Variants in DEAF1 observed in about 807,000 individuals in gnomAD.
DEAF1 encodes the protein DEAF1 transcription factor, also known as deformed epidermal autoregulatory factor 1 homolog.
Under a neutral mutation model 58.9 loss-of-function variants are expected in DEAF1, and 53 were observed. The ratio of observed to expected loss-of-function variants is 0.90; its 90% confidence interval spans 0.72 to 1.13. The LOEUF (loss-of-function observed/expected upper bound fraction) is 1.13. DEAF1 is among the 50% of genes most tolerant of loss of function. DEAF1 has a pLI of 0.00. For missense variants in DEAF1, 685 were observed against 791.4 expected (o/e 0.87, Z 1.61); for synonymous variants, 385 against 340.4 (o/e 1.13, Z -1.44).
chr11:695,841 G>T (rs1433826300), upstream of DEAF1: 9 of 1,230,088 alleles, frequency 7.3e-6, no homozygotes, highest in Non-Finnish European at 9.1e-6. Flanking sequence ...GCGGCCCCGC[G>T]GCGAGGTGAG....
In DEAF1 at chr11:684,869, A is replaced by G. The variant is rs201275407; in HGVS notation, c.870+29T>C. On this transcript the variant is annotated intron_variant, in intron 6 of 11. Transcript: ENST00000382409. ...CAGCCGCCCCCAGCCCCACCAAGTC[A>G]TCCTGTTCCAGACACGCTGGCCACT... 4,771 of 1,550,144 alleles carry G rather than the reference A, an allele frequency of 3.1e-3. 13 individuals are homozygous for G. Among genetic ancestry groups the G allele is most frequent in the Non-Finnish European group, 4.0e-3 (4,552 of 1,145,886 alleles).
At chr11:654,539 T>C (rs1332844975) in intron 10 of DEAF1, 8 of 455,262 alleles carry the variant, frequency 1.8e-5, no homozygotes, top group South Asian at 9.3e-5. Context: ...ATCAGCTCTT[T>C]CCTGGCCTCA....
At chr11:678,875 A>G (rs528724794) in intron 8 of DEAF1, 53 bp from the exon 9 acceptor site, 42 of 1,607,742 alleles carry the variant, frequency 2.6e-5, no homozygotes, top group Middle Eastern at 3.4e-4. Context: ...CGCACAGCAG[A>G]CTCTAAATAT....
chr11:657,948 T>C (rs931859885), intron 10 of DEAF1, among the ~76,000 whole-genome samples: 1 of 152,114 alleles, frequency 6.6e-6, no homozygotes, highest in Non-Finnish European at 1.5e-5. Flanking sequence ...AGGACATTGA[T>C]AGTGAAATTC....
intron 9 of DEAF1, 89 bp from the exon 10 acceptor site, chr11:674,872 C>G: frequency 5.1e-6 from 8 of 1,561,092 alleles, no homozygotes; most frequent in Non-Finnish European, 6.9e-6. Flanking sequence ...CAGCCGGGCG[C>G]GGTGGCTCAC....
chr11:703,804 T>C, intron 1 of DEAF1: 2 of 1,233,130 alleles, frequency 1.6e-6, no homozygotes, highest in Non-Finnish European at 2.0e-6. Context: ...CTTCAGGGGC[T>C]TCGGAGGAGA....
intron 10 of DEAF1, among the ~76,000 whole-genome samples, chr11:660,310 A>ATC (rs1435676664): frequency 6.6e-6 from 1 of 152,134 alleles, no homozygotes; most frequent in Non-Finnish European, 1.5e-5. Context: ...CATGATACAG[A>ATC]TCTCTGAGGA....
chr11:676,358 G>A (rs74515392), intron 9 of DEAF1, among the ~76,000 whole-genome samples: 9 of 73,936 alleles, frequency 1.2e-4, no homozygotes, highest in Middle Eastern at 9.4e-3. Context: ...TGACATCCCC[G>A]AGCACTCAGC....
At chr11:699,425 C>A (rs1454767983), upstream of DEAF1, 1 of 153,212 alleles carries the variant, frequency 6.5e-6, no homozygotes, top group Non-Finnish European at 1.4e-5. Flanking sequence ...TTAAGTCCCC[C>A]AAACAGAAAT....
At chr11:697,699 G>T (rs1435846352), upstream of DEAF1, 3 of 152,238 alleles carry the variant, frequency 2.0e-5, no homozygotes. Context: ...CAGGTATTTA[G>T]GTGGCCTGGT....
At chr11:670,765 CTTTTT>C (rs1859778676) in intron 10 of DEAF1, among the ~76,000 whole-genome samples, 1 of 73,326 alleles carries the variant, frequency 1.4e-5, no homozygotes, top group African/African-American at 5.4e-5. Context: ...TTTCTTTTTT[CTTTTT>C]GTTTTTGTTT....
intron 6 of DEAF1, among the ~76,000 whole-genome samples, chr11:682,137 G>A (rs766868963): frequency 1.3e-5 from 2 of 152,184 alleles, no homozygotes; most frequent in South Asian, 4.1e-4. Context: ...TGGGTGGGGT[G>A]CAATCACCTT....
Position 695,198 on chromosome 11 carries a change from C to T in DEAF1, c.-151G>A, listed in dbSNP as rs1185114134. The T allele has an allele frequency of 5.7e-6, 4 of 698,630 alleles. No homozygotes were observed. The highest frequency in any genetic ancestry group is 9.1e-5 in the Admixed American group (2 of 21,946). 43.3% of individuals were successfully genotyped at this position (698,630 alleles called of 1,614,324 possible). A position where few individuals can be genotyped will look rare whatever the true frequency, so the allele number is the denominator to read the frequency against. On this transcript the variant is annotated 5_prime_UTR_variant, in exon 1 of 12. Coordinates refer to ENST00000382409, the MANE Select transcript of DEAF1 (RefSeq NM_021008.4). ...AATAGGGACCGAAAAGGCAGCCAGC[C>T]GCCGAGCAGAGCCGAGCCGAGTCCG...
chr11:668,226 A>C (rs930939689), intron 10 of DEAF1, among the ~76,000 whole-genome samples: 1 of 152,228 alleles, frequency 6.6e-6, no homozygotes, highest in African/African-American at 2.4e-5. Context: ...ATTCATGGCC[A>C]ACAGACCTAT....
At chr11:651,797 A>G (rs1016397455) in intron 11 of DEAF1, among the ~76,000 whole-genome samples, 1 of 152,116 alleles carries the variant, frequency 6.6e-6, no homozygotes, top group Non-Finnish European at 1.5e-5. Context: ...GAGGCAGGAG[A>G]ATGGCGTGAA....
intron 6 of DEAF1, among the ~76,000 whole-genome samples, chr11:681,564 C>T (rs910168023): frequency 6.6e-6 from 1 of 152,014 alleles, no homozygotes; most frequent in African/African-American, 2.4e-5. Context: ...GCGCCCGCCA[C>T]CAAGCCTGGC....
intron 10 of DEAF1, among the ~76,000 whole-genome samples, chr11:667,940 C>T (rs911597027): frequency 2.0e-5 from 3 of 152,014 alleles, no homozygotes; most frequent in Admixed American, 6.6e-5. Context: ...GGCGAAACCC[C>T]GTCTCTACCA....
intron 4 of DEAF1, 111 bp downstream of exon 4, chr11:687,800 C>G (rs1206109081): frequency 6.8e-7 from 1 of 1,478,240 alleles, no homozygotes; most frequent in African/African-American, 1.4e-5. Context: ...CCAGCCCTGT[C>G]TTCTTAACTA....
intron 10 of DEAF1, among the ~76,000 whole-genome samples, chr11:666,918 G>C (rs1859562135): frequency 6.7e-6 from 1 of 148,962 alleles, no homozygotes; most frequent in African/African-American, 2.5e-5. Flanking sequence ...AATAGTTATA[G>C]CCAGGAGCAG....
Sources: gnomAD v4.1 joint callset for allele counts (sites outside exome capture counted in the v4.1 genomes callset) on GRCh38, gnomAD v4.1.1 for gene constraint, MANE v1.5 for transcripts, NCBI Gene and HGNC (gene_info 2026-07-23, HGNC 2026-07-21) for gene names.